Variants in MSRA observed in about 807,000 individuals in gnomAD.
The protein encoded by MSRA is mitochondrial peptide methionine sulfoxide reductase.
A neutral mutation model predicts 31.3 loss-of-function variants in MSRA; 54 were observed. The observed-to-expected ratio is 1.73, with a 90% CI of 1.39 to 2.17. The LOEUF (loss-of-function observed/expected upper bound fraction) is 2.17. Among genes scored for constraint, MSRA ranks in the 30% most tolerant of loss-of-function variants. The pLI is 0.00. For missense variants in MSRA, 507 were observed against 300.9 expected (o/e 1.69, Z -5.07); for synonymous variants, 169 against 116.5 (o/e 1.45, Z -2.90).
At chr8:10,401,427 G>A (rs1357036255) in intron 5 of MSRA, among the ~76,000 whole-genome samples, 1 of 152,166 alleles carries the variant, frequency 6.6e-6, no homozygotes, top group African/African-American at 2.4e-5. Context: ...GTGTTGGTGA[G>A]GATGTGGAGA....
At chr8:10,408,818 A>G (rs1036085171) in intron 5 of MSRA, among the ~76,000 whole-genome samples, 3 of 145,848 alleles carry the variant, frequency 2.1e-5, no homozygotes, top group African/African-American at 7.7e-5. Context: ...AACATGCAGT[A>G]GTTGACCTTC....
chr8:10,186,150 G>A (rs1178166739), intron 1 of MSRA, among the ~76,000 whole-genome samples: 2 of 152,180 alleles, frequency 1.3e-5, no homozygotes, highest in Non-Finnish European at 1.5e-5. Context: ...CTTTCCTCAC[G>A]TGGCCCTTTT....
chr8:10,416,870 G>A (rs1046355128), intron 5 of MSRA, among the ~76,000 whole-genome samples: 9 of 152,236 alleles, frequency 5.9e-5, no homozygotes, highest in East Asian at 1.9e-4. Flanking sequence ...CATCCTCCCC[G>A]TCCTCTGCAG....
intron 5 of MSRA, among the ~76,000 whole-genome samples, chr8:10,379,930 C>T (rs1040693854): frequency 6.6e-6 from 1 of 152,254 alleles, no homozygotes; most frequent in Non-Finnish European, 1.5e-5. Flanking sequence ...CTAGAAGGGG[C>T]AGATTAGTGA....
At chr8:10,242,195 C>A (rs1037817716) in intron 2 of MSRA, among the ~76,000 whole-genome samples, 2 of 151,522 alleles carry the variant, frequency 1.3e-5, no homozygotes, top group Admixed American at 6.6e-5. Flanking sequence ...TGCTTGAACC[C>A]GGGAGGTGGA....
At chr8:10,120,452 A>G (rs1334590080) in intron 1 of MSRA, among the ~76,000 whole-genome samples, 1 of 152,246 alleles carries the variant, frequency 6.6e-6, no homozygotes, top group Non-Finnish European at 1.5e-5. Flanking sequence ...TAGTGACACC[A>G]CGATTTAAGG....
chr8:10,076,658 C>G (rs1219866404), intron 1 of MSRA, among the ~76,000 whole-genome samples: 1 of 152,090 alleles, frequency 6.6e-6, no homozygotes, highest in African/African-American at 2.4e-5. Context: ...TCCCTTTTGG[C>G]AGAAGAAAGA....
intron 1 of MSRA, among the ~76,000 whole-genome samples, chr8:10,080,177 C>G (rs1798220839): frequency 6.6e-6 from 1 of 152,186 alleles, no homozygotes; most frequent in African/African-American, 2.4e-5. Context: ...GTTGCTAATA[C>G]AGTTACGACA....
intron 2 of MSRA, among the ~76,000 whole-genome samples, chr8:10,210,706 G>C (rs769958709): frequency 6.6e-6 from 1 of 151,434 alleles, no homozygotes; most frequent in African/African-American, 2.4e-5. Context: ...TTCATATTTT[G>C]TGATAAAATA....
intron 5 of MSRA, among the ~76,000 whole-genome samples, chr8:10,412,214 G>GA (rs1808200764): frequency 6.6e-6 from 1 of 152,200 alleles, no homozygotes; most frequent in Non-Finnish European, 1.5e-5. Flanking sequence ...AATTGTATAT[G>GA]AAAAAATCTG....
intron 5 of MSRA, among the ~76,000 whole-genome samples, chr8:10,412,078 T>C (rs1808190975): frequency 6.6e-6 from 1 of 152,262 alleles, no homozygotes. Flanking sequence ...TTAGAATATA[T>C]GATACTTTAG....
chr8:10,155,996 C>G (rs899441002), intron 1 of MSRA, among the ~76,000 whole-genome samples: 6 of 152,092 alleles, frequency 3.9e-5, no homozygotes, highest in Admixed American at 1.3e-4. Context: ...TGGCCGTGAC[C>G]TTAATGAAGT....
Position 10,327,936 on chromosome 8 carries a change from A to G in MSRA, c.543+7947A>G, listed in dbSNP as rs60442292. On this transcript the variant is annotated intron_variant, in intron 5 of 5. Transcript: ENST00000317173. ...CTCCGTCTCAACAACTAGAACAACAACAACAACAACAAAAAAACCTACTCA... is the reference window on the plus strand; with the variant it reads ...CTCCGTCTCAACAACTAGAACAACAGCAACAACAACAAAAAAACCTACTCA... 1.6e-3 allele frequency among the ~76,000 whole-genome samples: 247 copies of G among 151,960 alleles called. 3 individuals carry two copies. Among genetic ancestry groups the G allele is most frequent in the African/African-American group, 5.6e-3 (233 of 41,424 alleles).
chr8:10,138,743 G>A (rs1358448920), intron 1 of MSRA, among the ~76,000 whole-genome samples: 1 of 152,162 alleles, frequency 6.6e-6, no homozygotes, highest in African/African-American at 2.4e-5. Context: ...AATTTTATCT[G>A]GGTAAAAGCC....
intron 3 of MSRA, among the ~76,000 whole-genome samples, chr8:10,264,909 C>G (rs1798668139): frequency 6.6e-6 from 1 of 152,060 alleles, no homozygotes; most frequent in Admixed American, 6.5e-5. Flanking sequence ...GCCTAGAGCC[C>G]TCTATGCGAT....
chr8:10,159,080 C>A (rs1440449411), intron 1 of MSRA, among the ~76,000 whole-genome samples: 1 of 152,176 alleles, frequency 6.6e-6, no homozygotes, highest in Non-Finnish European at 1.5e-5. Flanking sequence ...GGCAGATTAC[C>A]AGATACCAGA....
intron 1 of MSRA, among the ~76,000 whole-genome samples, chr8:10,089,163 G>C (rs559179937): frequency 1.7e-4 from 25 of 147,980 alleles, no homozygotes; most frequent in Non-Finnish European, 3.1e-4. Context: ...CACACACACA[G>C]TAACTCTGAG....
At chr8:10,177,225 A>G (rs529515732) in intron 1 of MSRA, among the ~76,000 whole-genome samples, 1 of 152,330 alleles carries the variant, frequency 6.6e-6, no homozygotes, top group East Asian at 1.9e-4. Context: ...TCTTCACAGA[A>G]TTCAGGACAG....
At chr8:10,427,634 T>C (rs1449602836) in intron 5 of MSRA, among the ~76,000 whole-genome samples, 2 of 152,136 alleles carry the variant, frequency 1.3e-5, no homozygotes, top group South Asian at 2.1e-4. Context: ...TGGGGTCCTG[T>C]TCCTGAGCTG....
Sources: gnomAD v4.1 joint callset for allele counts (sites outside exome capture counted in the v4.1 genomes callset) on GRCh38, gnomAD v4.1.1 for gene constraint, MANE v1.5 for transcripts, NCBI Gene and HGNC (gene_info 2026-07-23, HGNC 2026-07-21) for gene names.